PLEKHM3: variants seen among roughly 807,000 people sequenced by gnomAD.
PLEKHM3 encodes the protein pleckstrin homology domain containing M3, also known as pleckstrin homology domain-containing family M member 3.
Under a neutral mutation model 81.8 loss-of-function variants are expected in PLEKHM3, and 45 were observed. The ratio of observed to expected loss-of-function variants is 0.55; its 90% CI spans 0.43 to 0.71. PLEKHM3 has a LOEUF of 0.71. Among genes scored for constraint, PLEKHM3 ranks in the 30% least tolerant of loss-of-function variants. PLEKHM3 has a pLI of 0.00. For synonymous variants in PLEKHM3, 352 were observed against 356.4 expected (o/e 0.99, Z 0.14); for missense variants, 788 against 924.3 (o/e 0.85, Z 1.91).
chr2:207,908,452 A>G (rs1688694510), intron 6 of PLEKHM3, 62 bp downstream of exon 6: 6 of 1,485,784 alleles, frequency 4.0e-6, no homozygotes, highest in Non-Finnish European at 4.6e-6. Context: ...CAAAGACCAA[A>G]GTCAACAAAG....
intron 5 of PLEKHM3, among the ~76,000 whole-genome samples, chr2:207,913,688 G>A (rs1269030217): frequency 6.6e-6 from 1 of 151,848 alleles, no homozygotes; most frequent in Non-Finnish European, 1.5e-5. Flanking sequence ...GGGAAATTGG[G>A]CCACAGCTAA....
In PLEKHM3 at chr2:207,865,817, T is replaced by A. The variant is rs1194828905; in HGVS notation, c.1951-4555A>T. 9.1e-3 allele frequency among the ~76,000 whole-genome samples: 866 copies of A among 95,204 alleles called. 47 individuals are homozygous for A. The highest frequency in any genetic ancestry group is 0.028 in the East Asian group (84 of 2,962). The allele number at this position is 95,204 out of a possible 152,430, so 62.5% of individuals were successfully genotyped here. ...AAAAAAAAAAAGATATATATATATA[T>A]ATATATATATATATATATATACTTT... On this transcript the variant is annotated intron_variant, in intron 6 of 7. Transcript: ENST00000427836.
intron 7 of PLEKHM3, among the ~76,000 whole-genome samples, chr2:207,840,553 G>A (rs1414883211): frequency 1.3e-5 from 2 of 151,942 alleles, no homozygotes; most frequent in Non-Finnish European, 2.9e-5. Context: ...ATAACTAATA[G>A]GTTAAAATCT....
At chr2:207,842,987 C>G (rs993808410) in intron 7 of PLEKHM3, among the ~76,000 whole-genome samples, 7 of 152,272 alleles carry the variant, frequency 4.6e-5, no homozygotes, top group African/African-American at 1.4e-4. Flanking sequence ...CATTCCATCA[C>G]CCAGGCTGGA....
At position 207,896,650 on chromosome 2, in the gene PLEKHM3, T is replaced by C. The variant is rs548791438; in HGVS notation, c.1950+11864A>G. On this transcript the variant is annotated intron_variant, in intron 6 of 7. Transcript: ENST00000427836. Reference sequence around the variant, plus strand: ...GGTCCAGTTCCCTTCCACCTCAATGTTAAAGGAAGCTAGAAAGCCAATTAC... The same window carrying C: ...GGTCCAGTTCCCTTCCACCTCAATGCTAAAGGAAGCTAGAAAGCCAATTAC... Among the ~76,000 whole-genome samples, 4 of 152,290 alleles carry C rather than the reference T, an allele frequency of 2.6e-5. No homozygotes were observed. The East Asian group carries it at 7.7e-4, about 29-fold the overall frequency.
rs539967437 is a variant in PLEKHM3, at chr2:207,931,139, A to G, written c.1693-20T>C. ...CGACACCTACAAAACAAGCGTCGTC[A>G]GTCAGTCCTGGAGAAGCACCTGGCT... On this transcript the variant is annotated intron_variant, in intron 4 of 7. Transcript: ENST00000427836. 264 of 1,593,294 alleles carry G rather than the reference A, an allele frequency of 1.7e-4. 1 individual carries two copies. In the South Asian group the frequency reaches 2.7e-3, roughly 16 times the overall value.
intron 3 of PLEKHM3, among the ~76,000 whole-genome samples, chr2:207,956,634 C>G (rs1174172525): frequency 6.6e-6 from 1 of 151,528 alleles, no homozygotes; most frequent in African/African-American, 2.4e-5. Flanking sequence ...CAGCCTCAAC[C>G]CCCTGGGCTC....
intron 3 of PLEKHM3, among the ~76,000 whole-genome samples, chr2:207,957,115 A>G (rs1039539127): frequency 4.6e-5 from 7 of 152,192 alleles, no homozygotes; most frequent in African/African-American, 1.7e-4. Context: ...TGAGAAATCC[A>G]TCAATTAGAA....
At chr2:207,915,933 C>T (rs1203951503) in intron 5 of PLEKHM3, among the ~76,000 whole-genome samples, 2 of 152,156 alleles carry the variant, frequency 1.3e-5, no homozygotes, top group African/African-American at 2.4e-5. Flanking sequence ...GAAGCATCCC[C>T]AGGGAGATGC....
intron 5 of PLEKHM3, among the ~76,000 whole-genome samples, chr2:207,913,648 C>G (rs1281133005): frequency 6.6e-6 from 1 of 151,932 alleles, no homozygotes; most frequent in Admixed American, 6.6e-5. Flanking sequence ...GTGGGTTACT[C>G]TTTTACGAAG....
At chr2:208,017,685 T>C (rs1275840265) in intron 1 of PLEKHM3, among the ~76,000 whole-genome samples, 9 of 152,192 alleles carry the variant, frequency 5.9e-5, no homozygotes. Flanking sequence ...TCTGACTCCA[T>C]TTCTCATTGC....
chr2:207,934,360 C>T lies in PLEKHM3; in HGVS notation c.1693-3241G>A, dbSNP rs192870336. On this transcript the variant is annotated intron_variant, in intron 4 of 7. Transcript: ENST00000427836. ...ATGAATGAGCTCAAATGAATGGTTT[C>T]GGCTGGCACTCTTTTCCATGATACC... is the stretch of plus-strand genomic sequence containing the variant. Among the ~76,000 whole-genome samples the T allele has an allele frequency of 8.1e-3, 1,230 of 152,198 alleles. 9 individuals are homozygous for T. The highest frequency in any genetic ancestry group is 9.8e-3 in the Non-Finnish European group (666 of 67,992).
intron 7 of PLEKHM3, among the ~76,000 whole-genome samples, chr2:207,835,135 G>A (rs1230312212): frequency 6.6e-6 from 1 of 151,466 alleles, no homozygotes; most frequent in African/African-American, 2.4e-5. Flanking sequence ...AGTAGAGACG[G>A]GGTTTCACCA....
intron 6 of PLEKHM3, among the ~76,000 whole-genome samples, chr2:207,865,795 AAAAAAAAGATATATATAT>A (rs1441480898): frequency 1.9e-4 from 7 of 37,668 alleles, no homozygotes; most frequent in African/African-American, 1.0e-3. Flanking sequence ...AAAAAAAAAA[AAAAAAAAGATATATATAT>A]ATATATATAT....
intron 3 of PLEKHM3, among the ~76,000 whole-genome samples, chr2:207,965,881 G>A (rs1049688021): frequency 2.0e-5 from 3 of 152,118 alleles, no homozygotes; most frequent in Admixed American, 6.6e-5. Flanking sequence ...AAGGAAAAAC[G>A]TATTACTTAT....
chr2:207,976,939 C>A lies in PLEKHM3; in HGVS notation c.1258G>T (p.Gly420Cys). The change falls in exon 3 of 8, where the codon GGC (glycine) becomes TGC (cysteine). Residue 420 changes from glycine to cysteine, a missense_variant. Gly to Cys is a radical substitution (Grantham distance 159). Coordinates refer to ENST00000427836, the MANE Select transcript of PLEKHM3 (RefSeq NM_001080475.3). The surrounding 1 kb of genome is among the most constrained non-coding windows in gnomAD (Gnocchi z 4.1). ...CLAVQMDNLD[G>C]CDSCFQVIFP... ...ATGACTTGAAAGCAAGAGTCGCAGC[C>A]ATCCAGGTTGTCCATCTGGACAGCC... 6.2e-7 allele frequency: 1 copy of A among 1,614,250 alleles called. No homozygotes were observed. The highest frequency in any genetic ancestry group is 8.5e-7 in the Non-Finnish European group (1 of 1,180,050).
At chr2:207,877,183 C>G (rs1474292511) in intron 6 of PLEKHM3, among the ~76,000 whole-genome samples, 1 of 152,168 alleles carries the variant, frequency 6.6e-6, no homozygotes, top group African/African-American at 2.4e-5. Flanking sequence ...GCATGCCCAC[C>G]TGAGACATGT....
chr2:207,833,847 G>T (rs1402227339), intron 7 of PLEKHM3, among the ~76,000 whole-genome samples: 5 of 152,206 alleles, frequency 3.3e-5, no homozygotes, highest in African/African-American at 9.6e-5. Context: ...AGTGTCACCT[G>T]CTGGCTTACG....
Position 207,883,858 on chromosome 2 carries a change from G to A in PLEKHM3, c.1951-22596C>T, listed in dbSNP as rs563766547. 9.3e-4 allele frequency among the ~76,000 whole-genome samples: 141 copies of A among 152,170 alleles called. 2 individuals are homozygous for A. The South Asian group carries it at 0.028, about 31-fold the overall frequency. The stretch of plus-strand genomic sequence containing the variant: ...AAAGAATTATACACTATGACCAACT[G>A]GGATTTCTCCTGGTAAAGCAAGGTT... On this transcript the variant is annotated intron_variant, in intron 6 of 7. Coordinates refer to ENST00000427836, the MANE Select transcript of PLEKHM3 (RefSeq NM_001080475.3).
Sources: gnomAD v4.1 joint callset for allele counts (sites outside exome capture counted in the v4.1 genomes callset) on GRCh38, gnomAD v4.1.1 for gene constraint, Gnocchi (gnomAD v3.1) non-coding constraint, MANE v1.5 for transcripts, NCBI Gene and HGNC (gene_info 2026-07-23, HGNC 2026-07-21) for gene names.